The following NOP53 variants were observed in gnomAD, a reference collection of about 807,000 sequenced individuals.
The protein encoded by NOP53 is ribosome biogenesis protein NOP53.
In NOP53, 40 loss-of-function variants were observed where a neutral mutation model predicts 61.0. That is an observed-to-expected ratio of 0.66 (90% confidence interval 0.51 to 0.85). The LOEUF is 0.85. Ranked by LOEUF, NOP53 falls within the 40% of genes least tolerant of loss-of-function variation. NOP53 has a pLI of 0.00. For missense variants in NOP53, 689 were observed against 652.9 expected (o/e 1.06, Z -0.60); for synonymous variants, 308 against 289.5 (o/e 1.06, Z -0.65).
chr19:47,752,862 A>G (rs960358502), intron 6 of NOP53: 1 of 476,558 alleles, frequency 2.1e-6, no homozygotes, highest in Admixed American at 3.3e-5. Context: ...GGGTCGCCTG[A>G]GCCGAGGCAG....
chr19:47,756,390 C>T, intron 10 of NOP53, 138 bp from the exon 11 acceptor site: 2 of 640,346 alleles, frequency 3.1e-6, no homozygotes, highest in South Asian at 3.7e-5. Flanking sequence ...CAGCTGAGGG[C>T]CAGGCTGAGT....
chr19:47,756,795 T>A (rs1967206949), intron 12 of NOP53, 51 bp downstream of exon 12: 1 of 1,590,082 alleles, frequency 6.3e-7, no homozygotes, highest in Non-Finnish European at 8.6e-7. Flanking sequence ...TCCCACCCCG[T>A]GGTGCCCACC....
chr19:47,750,801 G>C (rs1273684236), intron 3 of NOP53, 107 bp from the exon 4 acceptor site: 5 of 863,662 alleles, frequency 5.8e-6, no homozygotes, highest in East Asian at 5.3e-5. Flanking sequence ...TGGAGAGGGG[G>C]TGCTGAAGCT....
chr19:47,754,897 C>T lies in NOP53; in HGVS notation c.1053+6C>T, dbSNP rs774687490. Reference sequence around the variant, plus strand: ...AGAAGGCTGTGCACAGGCTGGTGAGCGCCTGGGCCAGCGGGGCCTGCCTCT... The same window carrying T: ...AGAAGGCTGTGCACAGGCTGGTGAGTGCCTGGGCCAGCGGGGCCTGCCTCT... On this transcript the variant is annotated splice_donor_region_variant and intron_variant, in intron 8 of 12. Coordinates refer to ENST00000246802, the MANE Select transcript of NOP53 (RefSeq NM_015710.5). The surrounding 1 kb of genome is among the most constrained non-coding windows in gnomAD (Gnocchi z 4.2). The T allele has an allele frequency of 3.2e-5, 48 of 1,493,170 alleles. No homozygotes were observed. The highest frequency in any genetic ancestry group is 5.6e-5 in the Admixed American group (2 of 35,856). The allele number at this position is 1,493,170 out of a possible 1,614,324, so 92.5% of individuals were successfully genotyped here. A position where few individuals can be genotyped will look rare whatever the true frequency, so the allele number is the denominator to read the frequency against.
At chr19:47,747,343 C>T (rs760343445) in intron 2 of NOP53, among the ~76,000 whole-genome samples, 4 of 152,096 alleles carry the variant, frequency 2.6e-5, no homozygotes, top group Non-Finnish European at 5.9e-5. Flanking sequence ...AAGTCAAGGA[C>T]CTGCTTAACT....
intron 12 of NOP53, 39 bp from the exon 13 acceptor site, chr19:47,756,960 C>T (rs1385914683): frequency 2.2e-5 from 36 of 1,613,500 alleles, no homozygotes; most frequent in Non-Finnish European, 2.8e-5. Flanking sequence ...GTATGGGGCA[C>T]CCTCTCACCC....
chr19:47,747,375 G>T (rs988210468), intron 2 of NOP53, among the ~76,000 whole-genome samples: 3 of 152,198 alleles, frequency 2.0e-5, no homozygotes, highest in African/African-American at 7.2e-5. Flanking sequence ...GTTGCGGTGA[G>T]TCACGCCTGT....
intron 10 of NOP53, 98 bp from the exon 11 acceptor site, chr19:47,756,430 A>G (rs1038977760): frequency 2.2e-6 from 2 of 897,276 alleles, no homozygotes; most frequent in Admixed American, 2.3e-5. Flanking sequence ...CCCTGGGGGG[A>G]GACTGCATGG....
At chr19:47,750,670 C>A (rs530247821) in intron 3 of NOP53, among the ~76,000 whole-genome samples, 159 of 152,132 alleles carry the variant, frequency 1.0e-3, no homozygotes, top group Non-Finnish European at 1.9e-3. Context: ...GTGTGAGGTG[C>A]CTGGGGTATG....
At chr19:47,745,971 T>TA in intron 1 of NOP53, 188 bp downstream of exon 1, 1 of 533,310 alleles carries the variant, frequency 1.9e-6, no homozygotes, top group Non-Finnish European at 3.3e-6. Flanking sequence ...GAGAGCTTGA[T>TA]AGAGTTACCA....
In NOP53 at chr19:47,755,228, G is replaced by T. The variant is rs1967175539; in HGVS notation, c.1054-120G>T. The T allele has an allele frequency of 2.8e-5, 18 of 633,532 alleles. No individual in the cohort carries two copies. In the East Asian group the frequency reaches 5.9e-4, roughly 21 times the overall value. The allele number at this position is 633,532 out of a possible 1,614,324, so 39.2% of individuals were successfully genotyped here. A position where few individuals can be genotyped will look rare whatever the true frequency, so the allele number is the denominator to read the frequency against. ...CACTGGAGGGGCCGCTGATGTGACG[G>T]GGTTAGGAAGGGCCTCCGGGGACAG... On this transcript the variant is annotated intron_variant, in intron 8 of 12. Coordinates refer to ENST00000246802, the MANE Select transcript of NOP53 (RefSeq NM_015710.5).
Position 47,745,546 on chromosome 19 carries a change from C to G in NOP53, c.-14C>G. On this transcript the variant is annotated 5_prime_UTR_variant, in exon 1 of 13. Transcript: ENST00000246802. ...TTTTTGGGACGCCAGTGGCTGAGTT[C>G]TTCCTTTGACAAGATGGCGGCAGGA... The G allele has an allele frequency of 1.2e-6, 2 of 1,611,946 alleles. No homozygotes were observed. Among genetic ancestry groups the G allele is most frequent in the Non-Finnish European group, 1.7e-6 (2 of 1,178,696 alleles).
chr19:47,754,515 C>G lies in NOP53; in HGVS notation c.766-12C>G. On this transcript the variant is annotated splice_polypyrimidine_tract_variant and intron_variant, in intron 6 of 12. Coordinates refer to ENST00000246802, the MANE Select transcript of NOP53 (RefSeq NM_015710.5). The surrounding 1 kb of genome is among the most constrained non-coding windows in gnomAD (Gnocchi z 4.2). ...AGGGGTTCAGGGACCCATCCTCACT[C>G]CCGCCCCTCAGACCCTGCTCTCAGC... 6.5e-7 allele frequency: 1 copy of G among 1,541,484 alleles called. No homozygotes were observed. Among genetic ancestry groups the G allele is most frequent in the Non-Finnish European group, 8.8e-7 (1 of 1,140,172 alleles).
At chr19:47,756,467 A>C in intron 10 of NOP53, 61 bp from the exon 11 acceptor site, 1 of 1,370,276 alleles carries the variant, frequency 7.3e-7, no homozygotes, top group South Asian at 1.2e-5. Flanking sequence ...GACCCCGAGG[A>C]GAGGTCCAGG....
At position 47,751,091 on chromosome 19, in the gene NOP53, C is replaced by T. The variant is rs372756983; in HGVS notation, c.582C>T (p.Asp194=). The T allele has an allele frequency of 2.8e-5, 45 of 1,606,840 alleles. No homozygotes were observed. Among genetic ancestry groups the T allele is most frequent in the Non-Finnish European group, 3.7e-5 (43 of 1,177,444 alleles). Reference sequence around the variant, plus strand: ...ACACCGTAGAGCGGCCCTTCTACGACCTCTGGGCCTCAGACAGTGAGTGAT... The same window carrying T: ...ACACCGTAGAGCGGCCCTTCTACGATCTCTGGGCCTCAGACAGTGAGTGAT... The part of the protein sequence containing the change: ...PQDTVERPFY[D]LWASDNPLDR... The change falls in exon 4 of 13, where the codon GAC becomes GAT. Residue 194 remains aspartate, a synonymous_variant. Transcript: ENST00000246802.
intron 1 of NOP53, 22 bp downstream of exon 1, chr19:47,745,805 G>A: frequency 6.7e-7 from 1 of 1,488,268 alleles, no homozygotes; most frequent in Non-Finnish European, 9.0e-7. Flanking sequence ...GGGACTTCCG[G>A]GAGGTGGGAC....
intron 5 of NOP53, 61 bp downstream of exon 5, chr19:47,751,651 C>T (rs946727298): frequency 4.8e-6 from 6 of 1,255,554 alleles, no homozygotes; most frequent in Non-Finnish European, 7.0e-6. Flanking sequence ...GGGAGCTGCT[C>T]TGTGTTCCTG....
chr19:47,755,487 C>G lies in NOP53; in HGVS notation c.1193C>G (p.Ala398Gly). 1 of 1,481,352 alleles carries G rather than the reference C, an allele frequency of 6.8e-7. No homozygotes were observed. The allele number at this position is 1,481,352 out of a possible 1,614,324, so 91.8% of individuals were successfully genotyped here. Residue 398 changes from alanine (A) to glycine (G), a missense_variant, in exon 9 of 13, where the codon GCT (alanine) becomes GGT (glycine). Ala to Gly is a moderately conservative substitution (Grantham distance 60). Transcript: ENST00000246802. ...RQRRRQARRE[A>G]EADKPRRLGR... ...AGGCGGCGGCAGGCGCGGCGGGAGG[C>G]TGAGGCTGACAAGCCCCGAAGGCTG...
At chr19:47,752,140 T>A (rs1967131892) in intron 5 of NOP53, among the ~76,000 whole-genome samples, 1 of 151,528 alleles carries the variant, frequency 6.6e-6, no homozygotes, top group South Asian at 2.1e-4. Context: ...ACAGATGAAA[T>A]TGTACTTAGA....
Sources: allele counts gnomAD v4.1 joint callset (sites outside exome capture counted in the v4.1 genomes callset), GRCh38; gene constraint gnomAD v4.1.1; non-coding constraint Gnocchi (gnomAD v3.1); transcripts MANE v1.5; gene names NCBI Gene and HGNC (gene_info 2026-07-23, HGNC 2026-07-21).